Variants in LRRC4C observed in about 807,000 individuals in gnomAD.
The protein encoded by LRRC4C is leucine rich repeat containing 4C.
Under a neutral mutation model 33.6 loss-of-function variants are expected in LRRC4C, and 5 were observed. The observed-to-expected ratio is 0.15, with a 90% confidence interval of 0.08 to 0.31. The LOEUF (loss-of-function observed/expected upper bound fraction) is 0.31. LRRC4C is among the 10% of genes least tolerant of loss of function. The pLI is 1.00. For missense variants in LRRC4C, 560 were observed against 796.7 expected (o/e 0.70, Z 3.58); for synonymous variants, 329 against 302.0 (o/e 1.09, Z -0.93).
intron 1 of LRRC4C, among the ~76,000 whole-genome samples, chr11:41,380,807 T>C (rs77824061): frequency 0.015 from 2,239 of 152,232 alleles, 59 homozygotes; most frequent in African/African-American, 0.051. Context: ...AGAAGTCCAA[T>C]AGTAGTCTGT....
chr11:40,910,593 A>G (rs1956626346), intron 2 of LRRC4C, among the ~76,000 whole-genome samples: 1 of 152,212 alleles, frequency 6.6e-6, no homozygotes, highest in Non-Finnish European at 1.5e-5. Context: ...CTGAATAGGA[A>G]CAGCTCCAGT....
intron 2 of LRRC4C, among the ~76,000 whole-genome samples, chr11:40,899,270 T>A (rs1956106153): frequency 6.6e-6 from 1 of 152,164 alleles, no homozygotes; most frequent in Non-Finnish European, 1.5e-5. Flanking sequence ...TTCTTGAACT[T>A]CCTTACACTA....
At chr11:40,230,025 C>T (rs1865088856) in intron 5 of LRRC4C, among the ~76,000 whole-genome samples, 1 of 152,150 alleles carries the variant, frequency 6.6e-6, no homozygotes, top group Admixed American at 6.6e-5. Flanking sequence ...AACTGCAGTA[C>T]TAATTTCTCA....
At chr11:40,754,171 T>C (rs553742782) in intron 2 of LRRC4C, among the ~76,000 whole-genome samples, 1 of 152,216 alleles carries the variant, frequency 6.6e-6, no homozygotes, top group East Asian at 1.9e-4. Context: ...TGTATTTTTC[T>C]CTAATTTTGT....
intron 4 of LRRC4C, among the ~76,000 whole-genome samples, chr11:40,266,661 C>G (rs1463140513): frequency 2.0e-5 from 3 of 152,102 alleles, no homozygotes; most frequent in Non-Finnish European, 2.9e-5. Context: ...AAAGAAGGCA[C>G]AGACATTTGT....
At chr11:41,130,607 G>C (rs1277121952) in intron 1 of LRRC4C, among the ~76,000 whole-genome samples, 2 of 151,890 alleles carry the variant, frequency 1.3e-5, no homozygotes. Flanking sequence ...ATTAAAATTA[G>C]GTGGATTTAA....
intron 3 of LRRC4C, among the ~76,000 whole-genome samples, chr11:40,568,472 T>C (rs1313603254): frequency 1.3e-5 from 2 of 152,254 alleles, no homozygotes; most frequent in Admixed American, 6.5e-5. Context: ...AATTTATTTA[T>C]GGTGTTGTTG....
intron 3 of LRRC4C, among the ~76,000 whole-genome samples, chr11:40,525,368 C>T (rs1216707069): frequency 6.6e-6 from 1 of 152,058 alleles, no homozygotes; most frequent in Admixed American, 6.6e-5. Context: ...ATCGCTTGAA[C>T]CCAGGAGGCA....
chr11:40,699,360 C>T (rs1945749239), intron 2 of LRRC4C, among the ~76,000 whole-genome samples: 1 of 152,024 alleles, frequency 6.6e-6, no homozygotes, highest in South Asian at 2.1e-4. Flanking sequence ...ACAAAAAATC[C>T]CTTCATTAAT....
At chr11:40,540,112 G>A (rs1384234044) in intron 3 of LRRC4C, among the ~76,000 whole-genome samples, 1 of 152,174 alleles carries the variant, frequency 6.6e-6, no homozygotes, top group Non-Finnish European at 1.5e-5. Context: ...AGATTTTGCA[G>A]TAGATAGAAT....
chr11:40,456,089 G>T (rs977467012), intron 3 of LRRC4C, among the ~76,000 whole-genome samples: 1 of 152,014 alleles, frequency 6.6e-6, no homozygotes, highest in Non-Finnish European at 1.5e-5. Flanking sequence ...CTACTTGGGA[G>T]AAAAATGCCT....
chr11:40,418,825 C>T (rs1950421124), intron 3 of LRRC4C, among the ~76,000 whole-genome samples: 1 of 152,098 alleles, frequency 6.6e-6, no homozygotes, highest in African/African-American at 2.4e-5. Context: ...ACGGATGGAG[C>T]TGGAAGCCAT....
intron 1 of LRRC4C, among the ~76,000 whole-genome samples, chr11:41,381,937 T>C (rs995515873): frequency 6.6e-6 from 1 of 151,246 alleles, no homozygotes; most frequent in African/African-American, 2.4e-5. Flanking sequence ...TATATATGCA[T>C]ATATATAATC....
intron 3 of LRRC4C, among the ~76,000 whole-genome samples, chr11:40,609,482 G>A (rs995251260): frequency 2.6e-5 from 4 of 151,760 alleles, no homozygotes; most frequent in African/African-American, 9.7e-5. Context: ...CAACAATTTT[G>A]TACCTCAACA....
At chr11:40,235,276 C>A (rs371373595) in intron 5 of LRRC4C, among the ~76,000 whole-genome samples, 3 of 152,170 alleles carry the variant, frequency 2.0e-5, no homozygotes, top group Non-Finnish European at 4.4e-5. Flanking sequence ...AAACATTTAG[C>A]CCAATAGCTG....
intron 4 of LRRC4C, among the ~76,000 whole-genome samples, chr11:40,300,407 C>T (rs2167661): frequency 0.97 from 147,513 of 152,342 alleles, 71,584 homozygotes; most frequent in Non-Finnish European, 1. Flanking sequence ...AAGAACAAAA[C>T]GCATTCTAAG....
chr11:41,222,452 G>C (rs1016947767), intron 1 of LRRC4C, among the ~76,000 whole-genome samples: 6 of 152,118 alleles, frequency 3.9e-5, no homozygotes, highest in Admixed American at 1.3e-4. Context: ...ACATCTGATA[G>C]GATGCCAATG....
chr11:41,211,480 G>GC (rs1460334097), intron 1 of LRRC4C, among the ~76,000 whole-genome samples: 6 of 150,822 alleles, frequency 4.0e-5, no homozygotes, highest in Admixed American at 3.3e-4. Flanking sequence ...CCCTCCCCCT[G>GC]CCCCCCATCC....
At chr11:41,159,339 C>A (rs931784477) in intron 1 of LRRC4C, among the ~76,000 whole-genome samples, 1 of 151,808 alleles carries the variant, frequency 6.6e-6, no homozygotes, top group Non-Finnish European at 1.5e-5. Context: ...AAAGAAAACT[C>A]AATAGCTAGG....
Sources: gnomAD v4.1 joint callset for allele counts (sites outside exome capture counted in the v4.1 genomes callset) on GRCh38, gnomAD v4.1.1 for gene constraint, MANE v1.5 for transcripts, NCBI Gene and HGNC (gene_info 2026-07-23, HGNC 2026-07-21) for gene names.